Variants in POLB observed in about 807,000 individuals in gnomAD.
The protein encoded by POLB is DNA polymerase beta, also known as 5'-dRP lyase.
A neutral mutation model predicts 52.7 loss-of-function variants in POLB; 37 were observed. The observed-to-expected ratio is 0.70, with a 90% CI of 0.54 to 0.92. The LOEUF (loss-of-function observed/expected upper bound fraction) is 0.92, where lower values mean the gene tolerates loss of function less well. Among genes scored for constraint, POLB ranks in the 40% least tolerant of loss-of-function variants. POLB has a pLI of 0.00. For synonymous variants in POLB, 138 were observed against 131.3 expected, an observed-to-expected ratio of 1.05 and a Z score of -0.35; for missense variants, 313 against 400.8, an observed-to-expected ratio of 0.78 and a Z score of 1.87.
At chr8:42,355,619 A>T in intron 7 of POLB, 52 bp downstream of exon 7, 1 of 1,124,022 alleles carries the variant, frequency 8.9e-7, no homozygotes, top group Non-Finnish European at 1.4e-6. Flanking sequence ...TAAATTTTTT[A>T]TAGACATTCT....
intron 9 of POLB, among the ~76,000 whole-genome samples, chr8:42,359,366 A>AT (rs1310665802): frequency 2.0e-5 from 3 of 151,552 alleles, no homozygotes; most frequent in African/African-American, 7.3e-5. Flanking sequence ...TTATTTATTT[A>AT]TTTTTTGAGA....
intron 6 of POLB, among the ~76,000 whole-genome samples, chr8:42,354,768 T>C (rs1331717780): frequency 6.6e-6 from 1 of 151,886 alleles, no homozygotes; most frequent in Non-Finnish European, 1.5e-5. Flanking sequence ...GGTCTCGAAC[T>C]CCTGACCTCA....
intron 3 of POLB, among the ~76,000 whole-genome samples, chr8:42,348,313 G>A (rs1248599484): frequency 6.6e-6 from 1 of 152,196 alleles, no homozygotes; most frequent in Non-Finnish European, 1.5e-5. Context: ...CTAGAGAAGT[G>A]CTGCCCAATA....
Position 42,371,763 on chromosome 8 carries a change from C to A in POLB, c.*106C>A. 1 of 688,710 alleles carries A rather than the reference C, an allele frequency of 1.5e-6. No individual in the cohort carries two copies. The highest frequency in any genetic ancestry group is 2.6e-6 in the Non-Finnish European group (1 of 377,500). The allele number at this position is 688,710 out of a possible 1,614,324, so 42.7% of individuals were successfully genotyped here. A position where few individuals can be genotyped will look rare whatever the true frequency, so the allele number is the denominator to read the frequency against. ...TGTTTTTAAATGATTGTTTCTTCTT[C>A]ATGCTTTTGCTTGCAATGTAGTCAA... On this transcript the variant is annotated 3_prime_UTR_variant, in exon 14 of 14. Transcript: ENST00000265421.
intron 11 of POLB, among the ~76,000 whole-genome samples, chr8:42,363,343 A>G (rs1008682359): frequency 1.3e-5 from 2 of 151,630 alleles, no homozygotes; most frequent in African/African-American, 4.9e-5. Context: ...CCTGGCCAAC[A>G]CGGTGAAACT....
At chr8:42,354,358 T>TA in intron 6 of POLB, 1 of 638,992 alleles carries the variant, frequency 1.6e-6, no homozygotes, top group South Asian at 1.5e-5. Context: ...TTTGTGGCTA[T>TA]AAGGGGGCTT....
Position 42,350,043 on chromosome 8 carries a change from C to G in POLB, c.298C>G (p.Leu100Val). Residue 100 changes from leucine to valine, a missense_variant, in exon 5 of 14, where the codon CTG becomes GTG. By Grantham distance (32) the Leu-to-Val change is conservative (BLOSUM62 1). Around this residue, in one of 3 missense-constraint regions of POLB, gnomAD observed 246 missense variants for 297.6 expected, o/e 0.83. Transcript: ENST00000265421. ...QDDTSSSINFLTRVSGIGPSA... is the reference protein window; with the variant it reads ...QDDTSSSINFVTRVSGIGPSA... ...TGATACGAGTTCATCCATCAATTTC[C>G]TGACTCGAGTTAGTGGCATTGGGTA... 2 of 1,607,830 alleles carry G rather than the reference C, an allele frequency of 1.2e-6. No individual in the cohort carries two copies. Among genetic ancestry groups the G allele is most frequent in the South Asian group, 1.1e-5 (1 of 90,940 alleles).
At chr8:42,362,853 G>A (rs1027069107) in intron 11 of POLB, among the ~76,000 whole-genome samples, 155 bp downstream of exon 11, 7 of 152,204 alleles carry the variant, frequency 4.6e-5, no homozygotes, top group Non-Finnish European at 8.8e-5. Context: ...GGCCGGGCGC[G>A]GTGGCTCACG....
intron 4 of POLB, among the ~76,000 whole-genome samples, chr8:42,349,635 G>T (rs1011352570): frequency 8.5e-5 from 13 of 152,220 alleles, no homozygotes; most frequent in African/African-American, 2.6e-4. Context: ...TGATCTGCCC[G>T]CCTCGGCCTC....
At chr8:42,341,260 G>A (rs1484010618) in intron 2 of POLB, among the ~76,000 whole-genome samples, 1 of 152,072 alleles carries the variant, frequency 6.6e-6, no homozygotes, top group Non-Finnish European at 1.5e-5. Flanking sequence ...CATACAAAAG[G>A]CCTTTCATCT....
intron 5 of POLB, among the ~76,000 whole-genome samples, chr8:42,350,607 C>A (rs149208868): frequency 2.0e-5 from 3 of 152,212 alleles, no homozygotes; most frequent in Non-Finnish European, 4.4e-5. Flanking sequence ...GGATTATTAT[C>A]TTAAAATTTG....
chr8:42,366,798 G>T lies in POLB; in HGVS notation c.709-2473G>T, dbSNP rs182335611. Among the ~76,000 whole-genome samples, 9 of 152,264 alleles carry T rather than the reference G, an allele frequency of 5.9e-5. No individual in the cohort carries two copies. In the East Asian group the frequency reaches 1.7e-3, roughly 29 times the overall value. On this transcript the variant is annotated intron_variant, in intron 11 of 13. Coordinates refer to ENST00000265421, the MANE Select transcript of POLB (RefSeq NM_002690.3). Reference sequence around the variant, plus strand: ...AGTTTTATCTTTAAAATTGATATTTGCCCTACGTCAGAAGACCGTTATGCA... The same window carrying T: ...AGTTTTATCTTTAAAATTGATATTTTCCCTACGTCAGAAGACCGTTATGCA...
chr8:42,361,036 C>CATTGTTGT, intron 9 of POLB: 1 of 601,206 alleles, frequency 1.7e-6, no homozygotes, highest in African/African-American at 1.8e-5. Context: ...ATTTTTAATA[C>CATTGTTGT]ATTAAATTAA....
chr8:42,344,413 G>C (rs181901935), intron 2 of POLB, among the ~76,000 whole-genome samples: 1 of 151,358 alleles, frequency 6.6e-6, no homozygotes, highest in Non-Finnish European at 1.5e-5. Context: ...AGGTTGTGGT[G>C]AGCCGAGATT....
chr8:42,355,792 T>C (rs183175156), intron 7 of POLB, among the ~76,000 whole-genome samples: 331 of 152,318 alleles, frequency 2.2e-3, no homozygotes, highest in Non-Finnish European at 3.7e-3. Flanking sequence ...CCTTATTCTT[T>C]TGACTTTAGC....
At chr8:42,341,631 C>G in intron 2 of POLB, 1 of 205,396 alleles carries the variant, frequency 4.9e-6, no homozygotes, top group Non-Finnish European at 9.8e-6. Context: ...ACCAGATTAA[C>G]AAACTGGATA....
chr8:42,345,290 T>C (rs1467920956), intron 3 of POLB, among the ~76,000 whole-genome samples: 3 of 152,178 alleles, frequency 2.0e-5, no homozygotes, highest in African/African-American at 7.2e-5. Context: ...TGTACTCACG[T>C]TGAATTTCAA....
At chr8:42,342,140 C>G in intron 2 of POLB, 1 of 1,471,984 alleles carries the variant, frequency 6.8e-7, no homozygotes, top group South Asian at 1.1e-5. Flanking sequence ...GATAGACAAG[C>G]CTCCATCCAG....
chr8:42,353,064 ACT>A (rs762995676), intron 6 of POLB, among the ~76,000 whole-genome samples: 1 of 149,936 alleles, frequency 6.7e-6, no homozygotes, highest in Non-Finnish European at 1.5e-5. Context: ...ACAGAGTAAG[ACT>A]CTGTCTCAAA....
Sources: gnomAD v4.1 joint callset for allele counts (sites outside exome capture counted in the v4.1 genomes callset) on GRCh38, gnomAD v4.1.1 for gene constraint, gnomAD v4.1.1 regional missense constraint, MANE v1.5 for transcripts, NCBI Gene and HGNC (gene_info 2026-07-23, HGNC 2026-07-21) for gene names.